Variants in LRRC45 observed in about 807,000 individuals in gnomAD.
LRRC45 encodes leucine-rich repeat-containing protein 45.
In LRRC45, 73 loss-of-function variants were observed where a neutral mutation model predicts 85.4. The ratio of observed to expected loss-of-function variants is 0.85; its 90% confidence interval spans 0.71 to 1.04. The LOEUF is 1.04. Among genes scored for constraint, LRRC45 ranks in the 50% least tolerant of loss-of-function variants. The probability of loss-of-function intolerance (pLI) is 0.00; values close to 1 mark genes in which losing one functional copy is unlikely to be tolerated. For synonymous variants in LRRC45, 429 were observed against 386.0 expected, an observed-to-expected ratio of 1.11 and a Z score of -1.31; for missense variants, 937 against 883.3, an observed-to-expected ratio of 1.06 and a Z score of -0.77.
Position 82,024,263 on chromosome 17 carries a change from GC to G in LRRC45, c.221-9del, listed in dbSNP as rs2043344932. 2 of 1,610,848 alleles carry G rather than the reference GC, an allele frequency of 1.2e-6. No homozygotes were observed. ...CAGCAGGGGCAGAGAGTGACCGCCG[GC>G]CCCCCTTACACAGGGGCCACACTGC... On this transcript the variant is annotated splice_polypyrimidine_tract_variant and intron_variant, in intron 1 of 16. Coordinates refer to ENST00000306688, the MANE Select transcript of LRRC45 (RefSeq NM_144999.4).
rs372810970 is a variant in LRRC45 at position 82,027,677 on chromosome 17, G to A, written c.837G>A (p.Ala279=). The change falls in exon 8 of 17, where the codon GCG becomes GCA. Residue 279 remains alanine, a synonymous_variant. Transcript: ENST00000306688. The part of the protein sequence containing the change: ...QREEMAKSSR[A]SAARVGQLQE... ...GCACCCTCCTCTCTGCCCACAGGGC[G>A]TCGGCAGCCCGTGTAGGGCAGCTTC... 48 of 1,610,104 alleles carry A rather than the reference G, an allele frequency of 3.0e-5. No individual in the cohort carries two copies. Among genetic ancestry groups the A allele is most frequent in the Admixed American group, 2.2e-4 (13 of 59,656 alleles).
At chr17:82,025,260 G>T in intron 4 of LRRC45, 82 bp downstream of exon 4, 1 of 1,531,268 alleles carries the variant, frequency 6.5e-7, no homozygotes, top group Non-Finnish European at 8.8e-7. Context: ...TAGGGGACTG[G>T]CCTGTGCTCC....
intron 3 of LRRC45, 109 bp downstream of exon 3, chr17:82,024,872 A>C (rs2043353479): frequency 1.4e-6 from 2 of 1,440,844 alleles, no homozygotes; most frequent in Admixed American, 5.6e-5. Context: ...CCCATGTTTC[A>C]CATACGTTGG....
rs772865202 is a variant in LRRC45, at chr17:82,024,686, C to G, written c.283-7C>G. 6.4e-7 allele frequency: 1 copy of G among 1,570,962 alleles called. No individual in the cohort carries two copies. Among genetic ancestry groups the G allele is most frequent in the Non-Finnish European group, 8.6e-7 (1 of 1,162,434 alleles). On this transcript the variant is annotated splice_polypyrimidine_tract_variant and splice_region_variant and intron_variant, in intron 2 of 16. Coordinates refer to ENST00000306688, the MANE Select transcript of LRRC45 (RefSeq NM_144999.4). ...CGCGAGTGACTACCGGCCTGTTTCT[C>G]TCCTAGGGCAACAACCTTCGGGCTG...
intron 2 of LRRC45, 148 bp downstream of exon 2, chr17:82,024,487 T>C: frequency 1.9e-6 from 2 of 1,035,730 alleles, no homozygotes; most frequent in Non-Finnish European, 2.8e-6. Flanking sequence ...TGGCCTCCTG[T>C]GTGTGACCAT....
intron 5 of LRRC45, among the ~76,000 whole-genome samples, chr17:82,026,318 C>T (rs1207495884): frequency 3.3e-5 from 5 of 152,180 alleles, no homozygotes; most frequent in Admixed American, 6.5e-5. Flanking sequence ...TTGCCTTTTG[C>T]GGTGGAGCAG....
chr17:82,030,172 G>A lies in LRRC45; in HGVS notation c.1602G>A (p.Gln534=). ...LQQKQVVAEA[Q]TRVSQLGLQV... ...AGAAGCAGGTGGTGGCCGAGGCCCAGACCCGGGTCAGCCAGCTGGGCCTGC... is the reference window on the plus strand; with the variant it reads ...AGAAGCAGGTGGTGGCCGAGGCCCAAACCCGGGTCAGCCAGCTGGGCCTGC... Residue 534 remains glutamine (Q), a synonymous_variant, in exon 15 of 17, where the codon CAG becomes CAA. Transcript: ENST00000306688. 6.5e-7 allele frequency: 1 copy of A among 1,545,546 alleles called. No individual in the cohort carries two copies. The highest frequency in any genetic ancestry group is 8.7e-7 in the Non-Finnish European group (1 of 1,144,732).
chr17:82,028,346 T>A, intron 10 of LRRC45, 35 bp downstream of exon 10: 1 of 1,605,374 alleles, frequency 6.2e-7, no homozygotes, highest in Non-Finnish European at 8.5e-7. Context: ...GAGCCCAGGG[T>A]GGGCGCGGCA....
Position 82,030,462 on chromosome 17 carries a change from G to A in LRRC45, c.1812G>A (p.Leu604=). ...REKAAALERQ[L]KVMASDHREA... ...AGGCGGCGGCCCTGGAGCGCCAGCTGAAAGGTGAGCCAGACCCTTGTCCTC... is the reference window on the plus strand; with the variant it reads ...AGGCGGCGGCCCTGGAGCGCCAGCTAAAAGGTGAGCCAGACCCTTGTCCTC... The change falls in exon 16 of 17, where the codon CTG becomes CTA. Residue 604 remains leucine, a synonymous_variant. Coordinates refer to ENST00000306688, the MANE Select transcript of LRRC45 (RefSeq NM_144999.4). 1 of 1,544,008 alleles carries A rather than the reference G, an allele frequency of 6.5e-7. No homozygotes were observed. Among genetic ancestry groups the A allele is most frequent in the Non-Finnish European group, 8.7e-7 (1 of 1,147,032 alleles).
chr17:82,028,784 T>G, intron 12 of LRRC45, 101 bp downstream of exon 12: 2 of 1,314,968 alleles, frequency 1.5e-6, no homozygotes, highest in Non-Finnish European at 2.1e-6. Flanking sequence ...CTTGCCAACC[T>G]TGGGTCACTG....
Position 82,024,778 on chromosome 17 carries a change from C to G in LRRC45, c.353+15C>G. 5 of 1,570,048 alleles carry G rather than the reference C, an allele frequency of 3.2e-6. No individual in the cohort carries two copies. The highest frequency in any genetic ancestry group is 4.3e-6 in the Non-Finnish European group (5 of 1,162,246). Reference sequence around the variant, plus strand: ...TCCATTCAGAGGTGGGTGGTGGTCCCGACCCCAGGCCCTGTCTCTGTGTGG... The same window carrying G: ...TCCATTCAGAGGTGGGTGGTGGTCCGGACCCCAGGCCCTGTCTCTGTGTGG... On this transcript the variant is annotated intron_variant, in intron 3 of 16. Coordinates refer to ENST00000306688, the MANE Select transcript of LRRC45 (RefSeq NM_144999.4).
chr17:82,023,511 C>T lies in LRRC45; in HGVS notation c.-133C>T. Reference sequence around the variant, plus strand: ...CAGGACCTCCCGCCCGCGGAGCCCACTCGGATTGCTCTCCGCCCGGGTCGG... The same window carrying T: ...CAGGACCTCCCGCCCGCGGAGCCCATTCGGATTGCTCTCCGCCCGGGTCGG... On this transcript the variant is annotated 5_prime_UTR_variant, in exon 1 of 17. Coordinates refer to ENST00000306688, the MANE Select transcript of LRRC45 (RefSeq NM_144999.4). 1.3e-6 allele frequency: 1 copy of T among 793,390 alleles called. No individual in the cohort carries two copies. Among genetic ancestry groups the T allele is most frequent in the Non-Finnish European group, 1.9e-6 (1 of 523,668 alleles). The allele number at this position is 793,390 out of a possible 1,614,324, so 49.1% of individuals were successfully genotyped here.
rs2144152787 is a variant in LRRC45 at position 82,031,080 on chromosome 17, T to C, written c.*275T>C. On this transcript the variant is annotated 3_prime_UTR_variant, in exon 17 of 17. Transcript: ENST00000306688. ...CGCGTCTCCCCCTCGCCTTTTGCGA[T>C]GTCACCGTGAACGCTGCGGCCGCCT... 1 of 376,556 alleles carries C rather than the reference T, an allele frequency of 2.7e-6. No individual in the cohort carries two copies. The highest frequency in any genetic ancestry group is 4.7e-6 in the Non-Finnish European group (1 of 211,892). 23.3% of individuals were successfully genotyped at this position (376,556 alleles called of 1,614,324 possible). A position where few individuals can be genotyped will look rare whatever the true frequency, so the allele number is the denominator to read the frequency against.
In LRRC45 at chr17:82,025,013, T is replaced by A; in HGVS notation, c.367T>A (p.Trp123Arg). The change falls in exon 4 of 17, where the codon TGG (tryptophan) becomes AGG (arginine). Residue 123 changes from tryptophan to arginine, a missense_variant. Trp to Arg is a moderately radical substitution (Grantham distance 101, BLOSUM62 -3). Transcript: ENST00000306688. ...NKSIQSLTLE[W>R]NSLGTWDDAF... ...CCCCTCCTGCAGCCTCACGCTGGAGTGGAACAGCCTGGGCACGTGGGACGA... is the reference window on the plus strand; with the variant it reads ...CCCCTCCTGCAGCCTCACGCTGGAGAGGAACAGCCTGGGCACGTGGGACGA... The A allele has an allele frequency of 1.9e-6, 3 of 1,587,680 alleles. No homozygotes were observed. In the African/African-American group the frequency reaches 4.0e-5, roughly 21 times the overall value.
At position 82,027,294 on chromosome 17, in the gene LRRC45, C is replaced by T. The variant is rs2043376106; in HGVS notation, c.775-92C>T. ...GGTGGAACCCTCCGCTGCCTTGCCA[C>T]ATTGGTGGGCGCTGGCTCTCCTTCC... On this transcript the variant is annotated intron_variant, in intron 6 of 16. Transcript: ENST00000306688. 8 of 1,501,834 alleles carry T rather than the reference C, an allele frequency of 5.3e-6. No homozygotes were observed. In the South Asian group the frequency reaches 5.7e-5, roughly 11 times the overall value. The allele number at this position is 1,501,834 out of a possible 1,614,324, so 93.0% of individuals were successfully genotyped here. A position where few individuals can be genotyped will look rare whatever the true frequency, so the allele number is the denominator to read the frequency against.
intron 6 of LRRC45, 40 bp downstream of exon 6, chr17:82,027,051 G>T: frequency 6.6e-7 from 1 of 1,508,308 alleles, no homozygotes; most frequent in Non-Finnish European, 9.0e-7. Context: ...GCTGCTTATG[G>T]CTGGAGGGCC....
intron 7 of LRRC45, 71 bp from the exon 8 acceptor site, chr17:82,027,603 A>C (rs1672735964): frequency 6.5e-7 from 1 of 1,545,854 alleles, no homozygotes; most frequent in Admixed American, 1.8e-5. Flanking sequence ...AGCAGCAGCT[A>C]CCGAGGCCAG....
At chr17:82,024,499 T>C (rs772389788) in intron 2 of LRRC45, among the ~76,000 whole-genome samples, 160 bp downstream of exon 2, 6 of 152,024 alleles carry the variant, frequency 3.9e-5, no homozygotes, top group Non-Finnish European at 7.4e-5. Context: ...TGTGACCATC[T>C]CCAGAGCAAG....
Position 82,028,074 on chromosome 17 carries a change from C to G in LRRC45, c.975C>G (p.Leu325=). Reference sequence around the variant, plus strand: ...AGAAGGCCCAGGACCTGGGGGAGCTCCTGGCCACAGCGGAGCAGGAGCAGC... The same window carrying G: ...AGAAGGCCCAGGACCTGGGGGAGCTGCTGGCCACAGCGGAGCAGGAGCAGC... ...SEQKAQDLGE[L]LATAEQEQLS... is the part of the protein sequence containing the mutation. Residue 325 remains leucine (L), a synonymous_variant, in exon 9 of 17, where the codon CTC becomes CTG. Transcript: ENST00000306688. 1 of 1,598,168 alleles carries G rather than the reference C, an allele frequency of 6.3e-7. No individual in the cohort carries two copies. The highest frequency in any genetic ancestry group is 8.5e-7 in the Non-Finnish European group (1 of 1,174,040).
Sources: allele counts gnomAD v4.1 joint callset (sites outside exome capture counted in the v4.1 genomes callset), GRCh38; gene constraint gnomAD v4.1.1; transcripts MANE v1.5; gene names NCBI Gene and HGNC (gene_info 2026-07-23, HGNC 2026-07-21).